Variants in NDUFAF6 observed in about 807,000 individuals in gnomAD.
The protein encoded by NDUFAF6 is NADH:ubiquinone oxidoreductase complex assembly factor 6.
Under a neutral mutation model 40.8 loss-of-function variants are expected in NDUFAF6, and 45 were observed. The observed-to-expected ratio is 1.10, with a 90% confidence interval of 0.87 to 1.42. The LOEUF (loss-of-function observed/expected upper bound fraction) is 1.42. NDUFAF6 is among the 40% of genes most tolerant of loss of function. The pLI, the probability that NDUFAF6 is intolerant of heterozygous loss-of-function variation, is 0.00. For synonymous variants in NDUFAF6, 185 were observed against 155.9 expected, an observed-to-expected ratio of 1.19 and a Z score of -1.39; for missense variants, 435 against 418.5, an observed-to-expected ratio of 1.04 and a Z score of -0.34.
rs143426819 is a variant in NDUFAF6, at chr8:94,951,993, A to C, written c.-798-6002A>C. ...CTGGGCAGATCCAGTGAATCCAACC[A>C]TCCTTTAATTCACAGAATAATTCTT... On this transcript the variant is annotated intron_variant, in intron 2 of 14. Transcript: ENST00000396113. Among the ~76,000 whole-genome samples the C allele has an allele frequency of 6.3e-3, 954 of 152,312 alleles. 11 individuals are homozygous for C. The highest frequency in any genetic ancestry group is 0.022 in the African/African-American group (920 of 41,558).
chr8:94,973,325 A>G (rs1259145942), intron 1 of NDUFAF6, among the ~76,000 whole-genome samples: 3 of 152,132 alleles, frequency 2.0e-5, no homozygotes, highest in Admixed American at 6.5e-5. Flanking sequence ...AAAAAATAAA[A>G]TAAAATAAAA....
At chr8:95,032,168 A>G (rs1303437153) in intron 2 of NDUFAF6, 74 bp downstream of exon 2, 1 of 1,246,262 alleles carries the variant, frequency 8.0e-7, no homozygotes, top group Non-Finnish European at 1.2e-6. Flanking sequence ...ACAATAAAGA[A>G]ATATAGTTGT....
At chr8:94,926,705 C>T (rs1006447855) in intron 1 of NDUFAF6, 2 of 152,196 alleles carry the variant, frequency 1.3e-5, no homozygotes, top group Admixed American at 1.3e-4. Flanking sequence ...ACTCTCCTCC[C>T]ATGCAAAGGA....
intron 9 of NDUFAF6, among the ~76,000 whole-genome samples, chr8:95,070,331 T>C (rs1400736930): frequency 1.3e-5 from 2 of 152,214 alleles, no homozygotes; most frequent in African/African-American, 4.8e-5. Context: ...CCGAAAATAG[T>C]GGCTGGCACT....
chr8:95,040,896 A>C (rs971430317), intron 3 of NDUFAF6: 1 of 152,162 alleles, frequency 6.6e-6, no homozygotes, highest in Non-Finnish European at 1.5e-5. Context: ...CTTTAAGGAG[A>C]ATGGTAGTAG....
intron 1 of NDUFAF6, among the ~76,000 whole-genome samples, chr8:94,939,024 C>T (rs1821265114): frequency 6.6e-6 from 1 of 152,050 alleles, no homozygotes; most frequent in Non-Finnish European, 1.5e-5. Context: ...AGAGGGTGTC[C>T]ACTGCTGGAG....
intron 1 of NDUFAF6, chr8:94,929,591 A>G (rs1307489124): frequency 2.6e-5 from 4 of 152,206 alleles, no homozygotes; most frequent in Non-Finnish European, 4.4e-5. Flanking sequence ...CCATGGGCAG[A>G]GAGAAATATG....
chr8:95,110,341 A>G (rs1809965044), intron 4 of NDUFAF6, among the ~76,000 whole-genome samples: 1 of 152,212 alleles, frequency 6.6e-6, no homozygotes, highest in African/African-American at 2.4e-5. Flanking sequence ...GCACAATTTC[A>G]TTGCTCTGTA....
intron 1 of NDUFAF6, chr8:94,927,240 T>TAAGAAAAA (rs1180320988): frequency 1.3e-5 from 2 of 152,636 alleles, no homozygotes; most frequent in Non-Finnish European, 2.9e-5. Flanking sequence ...CCTTGCTCGT[T>TAAGAAAAA]TTTCTTAAGA....
At chr8:94,953,920 G>A (rs1159585332), upstream of NDUFAF6, among the ~76,000 whole-genome samples, 1 of 152,154 alleles carries the variant, frequency 6.6e-6, no homozygotes, top group South Asian at 2.1e-4. Flanking sequence ...GCAAAGCCAG[G>A]CCTAAACGTT....
intron 1 of NDUFAF6, among the ~76,000 whole-genome samples, chr8:94,937,973 C>T (rs138339239): frequency 2.0e-5 from 3 of 152,026 alleles, no homozygotes; most frequent in Non-Finnish European, 2.9e-5. Flanking sequence ...CTAAAGCTAA[C>T]GTCCCTTCCA....
chr8:94,954,676 C>T (rs916344974), upstream of NDUFAF6, among the ~76,000 whole-genome samples: 1 of 151,776 alleles, frequency 6.6e-6, no homozygotes, highest in African/African-American at 2.4e-5. Flanking sequence ...GTAGAAGAGT[C>T]TTTGCTGTGC....
At chr8:94,984,584 A>C (rs925171405) in intron 2 of NDUFAF6, among the ~76,000 whole-genome samples, 1 of 152,206 alleles carries the variant, frequency 6.6e-6, no homozygotes, top group Non-Finnish European at 1.5e-5. Context: ...AAACTTGTGG[A>C]GTCCACAGGG....
intron 3 of NDUFAF6, among the ~76,000 whole-genome samples, chr8:95,037,476 A>G (rs1426880314): frequency 6.6e-6 from 1 of 152,234 alleles, no homozygotes; most frequent in Non-Finnish European, 1.5e-5. Flanking sequence ...GTGTAAAATA[A>G]AACAAGAGCA....
At position 95,108,811 on chromosome 8, in the gene NDUFAF6, A is replaced by G. The variant is rs542085168; in HGVS notation, n.344+5800A>G. Among the ~76,000 whole-genome samples, 4 of 152,340 alleles carry G rather than the reference A, an allele frequency of 2.6e-5. No individual in the cohort carries two copies. In the South Asian group the frequency reaches 8.3e-4, roughly 32 times the overall value. On this transcript the variant is annotated intron_variant and non_coding_transcript_variant, in intron 4 of 5. Transcript: ENST00000523184. ...TCCTCAAAAAATTAAATGTAGAATTACAATTTTATCTAGTAATTCCACTTC... is the reference window on the plus strand; with the variant it reads ...TCCTCAAAAAATTAAATGTAGAATTGCAATTTTATCTAGTAATTCCACTTC...
In NDUFAF6 at chr8:95,047,098, G is replaced by C; in HGVS notation, c.685G>C (p.Val229Leu). The C allele has an allele frequency of 6.2e-7, 1 of 1,614,162 alleles. No individual in the cohort carries two copies. Among genetic ancestry groups the C allele is most frequent in the East Asian group, 2.2e-5 (1 of 44,874 alleles). Residue 229 changes from valine (V) to leucine (L), a missense_variant, in exon 6 of 9, where the codon GTG becomes CTG. Val to Leu is a conservative substitution (Grantham distance 32). Transcript: ENST00000396124. ...ACCATATCATGGGAGCAGAAGAAAGGTGTTCCTTCCCATGGATATTTGTAT... is the reference window on the plus strand; with the variant it reads ...ACCATATCATGGGAGCAGAAGAAAGCTGTTCCTTCCCATGGATATTTGTAT... ...ATPYHGSRRK[V>L]FLPMDICMLH... is the part of the protein sequence containing the mutation.
rs75419591 is a variant in NDUFAF6, at chr8:95,052,209, A to C, written c.852A>C (p.Ala284=). 8.0e-4 allele frequency: 1,299 copies of C among 1,614,110 alleles called. 10 individuals carry two copies. The African/African-American group carries it at 0.016, about 20-fold the overall frequency. Residue 284 remains alanine, a synonymous_variant, in exon 8 of 9, where the codon GCA becomes GCC. Coordinates refer to ENST00000396124, the MANE Select transcript of NDUFAF6 (RefSeq NM_152416.4). ...TTCACAAAACTGTTCCTGTGAAAGC[A>C]TTTCCTGCTTTTCTTCAGACGGTAA... ...RSFHKTVPVK[A]FPAFLQTVSL...
intron 1 of NDUFAF6, among the ~76,000 whole-genome samples, chr8:94,902,982 G>A (rs968297165): frequency 2.6e-5 from 4 of 152,114 alleles, no homozygotes; most frequent in Non-Finnish European, 4.4e-5. Flanking sequence ...GATTACAGGC[G>A]TGAGCCACTG....
At chr8:95,049,370 A>G (rs1355008054) in intron 7 of NDUFAF6, among the ~76,000 whole-genome samples, 1 of 152,012 alleles carries the variant, frequency 6.6e-6, no homozygotes, top group Non-Finnish European at 1.5e-5. Context: ...TAACTTTTCC[A>G]GGACTTTTGT....
Sources: allele counts gnomAD v4.1 joint callset (sites outside exome capture counted in the v4.1 genomes callset), GRCh38; gene constraint gnomAD v4.1.1; transcripts MANE v1.5; gene names NCBI Gene and HGNC (gene_info 2026-07-23, HGNC 2026-07-21).